The following TEAD4 variants were observed in gnomAD, a reference collection of about 807,000 sequenced individuals.
TEAD4 encodes the protein transcriptional enhancer factor TEF-3.
In TEAD4, 36 loss-of-function variants were observed where a neutral mutation model predicts 52.4. That is an observed-to-expected ratio of 0.69 (90% CI 0.53 to 0.91). The LOEUF (loss-of-function observed/expected upper bound fraction) is 0.91, where lower values mean the gene tolerates loss of function less well. Ranked by LOEUF, TEAD4 falls within the 40% of genes least tolerant of loss-of-function variation. The pLI is 0.00. For synonymous variants in TEAD4, 220 were observed against 231.0 expected (o/e 0.95, Z 0.43); for missense variants, 508 against 583.9 (o/e 0.87, Z 1.34).
chr12:3,019,603 C>CA (rs2098267206), intron 8 of TEAD4, among the ~76,000 whole-genome samples: 1 of 152,208 alleles, frequency 6.6e-6, no homozygotes, highest in Non-Finnish European at 1.5e-5. Flanking sequence ...CTGGTGGAGG[C>CA]AGCCAGCGGT....
At chr12:2,980,017 T>C (rs2153953632) in intron 2 of TEAD4, among the ~76,000 whole-genome samples, 1 of 152,284 alleles carries the variant, frequency 6.6e-6, no homozygotes, top group South Asian at 2.1e-4. Context: ...TCTCCTGTGC[T>C]CACTGAGAGG....
In TEAD4 at chr12:3,017,494, G is replaced by A. The variant is rs1290903018; in HGVS notation, c.451G>A (p.Ala151Thr). Residue 151 changes from alanine (A) to threonine (T), a missense_variant, in exon 6 of 13, where the codon GCC becomes ACC. By Grantham distance (58) the Ala-to-Thr change is moderately conservative. Transcript: ENST00000359864. ...GGCCTTCCACAGTAGCATGGCCCTCGCCCGGGGCCCCGGCCGCCCAGCAGT... is the reference window on the plus strand; with the variant it reads ...GGCCTTCCACAGTAGCATGGCCCTCACCCGGGGCCCCGGCCGCCCAGCAGT... 5.0e-6 allele frequency: 8 copies of A among 1,613,890 alleles called. No individual in the cohort carries two copies. Among genetic ancestry groups the A allele is most frequent in the South Asian group, 2.2e-5 (2 of 91,070 alleles).
At chr12:3,006,585 G>A (rs2098256093) in intron 3 of TEAD4, among the ~76,000 whole-genome samples, 1 of 152,270 alleles carries the variant, frequency 6.6e-6, no homozygotes, top group African/African-American at 2.4e-5. Flanking sequence ...TTGGGAGGCT[G>A]AGGCAGGAGA....
chr12:3,036,290 C>T (rs779837243), intron 10 of TEAD4, among the ~76,000 whole-genome samples: 15 of 152,156 alleles, frequency 9.9e-5, no homozygotes, highest in Non-Finnish European at 2.1e-4. Context: ...TGTTTGTAGT[C>T]ATCCATGATA....
At chr12:3,020,817 C>A (rs746904718) in intron 9 of TEAD4, 44 bp downstream of exon 9, 1 of 1,499,066 alleles carries the variant, frequency 6.7e-7, no homozygotes, top group Non-Finnish European at 8.9e-7. Context: ...GTCACCCCCT[C>A]TCCCTCTGTT....
intron 3 of TEAD4, among the ~76,000 whole-genome samples, chr12:3,007,307 C>T (rs546918338): frequency 6.6e-6 from 1 of 152,214 alleles, no homozygotes; most frequent in East Asian, 1.9e-4. Context: ...AGCACTGTTA[C>T]GGGGCAGTCC....
intron 10 of TEAD4, among the ~76,000 whole-genome samples, chr12:3,035,080 G>A (rs556138127): frequency 1.4e-4 from 21 of 151,564 alleles, no homozygotes; most frequent in Admixed American, 1.1e-3. Context: ...CAGCCCAGGC[G>A]ACAGAGCGAG....
chr12:2,989,015 G>A (rs2153954865), intron 2 of TEAD4, among the ~76,000 whole-genome samples: 1 of 152,284 alleles, frequency 6.6e-6, no homozygotes, highest in African/African-American at 2.4e-5. Flanking sequence ...GAGCTACTAT[G>A]GCAGGTTAAT....
chr12:3,030,293 T>C (rs988280979), intron 10 of TEAD4, among the ~76,000 whole-genome samples: 12 of 152,188 alleles, frequency 7.9e-5, no homozygotes, highest in Non-Finnish European at 1.5e-4. Context: ...TGCCTCAGCC[T>C]CCCAAAGTAA....
At chr12:3,006,359 A>T (rs113635148) in intron 3 of TEAD4, among the ~76,000 whole-genome samples, 211 of 152,274 alleles carry the variant, frequency 1.4e-3, no homozygotes, top group African/African-American at 4.4e-3. Context: ...GGTTCCAAGC[A>T]TTTTAGATAA....
At chr12:2,963,447 G>A (rs1173131180) in intron 2 of TEAD4, among the ~76,000 whole-genome samples, 1 of 152,168 alleles carries the variant, frequency 6.6e-6, no homozygotes, top group Non-Finnish European at 1.5e-5. Flanking sequence ...TTTGTTGGCC[G>A]GGGTTGGACG....
At chr12:3,006,327 A>C (rs1455103970) in intron 3 of TEAD4, among the ~76,000 whole-genome samples, 3 of 152,174 alleles carry the variant, frequency 2.0e-5, no homozygotes, top group Non-Finnish European at 4.4e-5. Context: ...TTTGAAAAAA[A>C]CCCCAAATCT....
intron 3 of TEAD4, among the ~76,000 whole-genome samples, chr12:2,998,643 C>T (rs1422769839): frequency 6.6e-6 from 1 of 151,938 alleles, no homozygotes; most frequent in African/African-American, 2.4e-5. Flanking sequence ...TCTTTCGGTC[C>T]TTTCAACGGT....
At chr12:2,964,472 T>G (rs1388463519) in intron 2 of TEAD4, among the ~76,000 whole-genome samples, 1 of 151,668 alleles carries the variant, frequency 6.6e-6, no homozygotes, top group African/African-American at 2.4e-5. Context: ...TTTTTTTTTT[T>G]TTGAGACGGA....
At chr12:3,004,547 C>T (rs542773820) in intron 3 of TEAD4, among the ~76,000 whole-genome samples, 4 of 152,142 alleles carry the variant, frequency 2.6e-5, no homozygotes, top group Non-Finnish European at 4.4e-5. Flanking sequence ...ACTACATGGA[C>T]CCGAATCTCA....
intron 2 of TEAD4, among the ~76,000 whole-genome samples, chr12:2,983,265 C>T (rs1294491245): frequency 6.6e-6 from 1 of 152,194 alleles, no homozygotes; most frequent in Non-Finnish European, 1.5e-5. Flanking sequence ...AGAAATAGCT[C>T]TTATGAGCAC....
intron 3 of TEAD4, among the ~76,000 whole-genome samples, chr12:2,996,907 C>T (rs73246997): frequency 6.6e-6 from 1 of 152,264 alleles, no homozygotes; most frequent in African/African-American, 2.4e-5. Context: ...GCCACCATGC[C>T]CGGCCTTGCA....
intron 3 of TEAD4, among the ~76,000 whole-genome samples, chr12:2,996,755 G>A (rs889051255): frequency 2.0e-5 from 3 of 151,918 alleles, no homozygotes; most frequent in African/African-American, 7.3e-5. Flanking sequence ...TTGCTCTGTC[G>A]CCCAGGCTGG....
At chr12:2,972,378 G>A (rs752588048) in intron 2 of TEAD4, among the ~76,000 whole-genome samples, 18 of 152,116 alleles carry the variant, frequency 1.2e-4, no homozygotes, top group South Asian at 4.2e-4. Context: ...CACCATACCC[G>A]GCCAAGTGGG....
Sources: gnomAD v4.1 joint callset for allele counts (sites outside exome capture counted in the v4.1 genomes callset) on GRCh38, gnomAD v4.1.1 for gene constraint, MANE v1.5 for transcripts, NCBI Gene and HGNC (gene_info 2026-07-23, HGNC 2026-07-21) for gene names.